The following HPS5 variants were observed in gnomAD, a reference collection of about 807,000 sequenced individuals.
The protein encoded by HPS5 is BLOC-2 complex member HPS5.
In HPS5, 83 loss-of-function variants were observed where a neutral mutation model predicts 128.0. That is an observed-to-expected ratio of 0.65 (90% CI 0.54 to 0.78). The LOEUF is 0.78. Among genes scored for constraint, HPS5 ranks in the 30% least tolerant of loss-of-function variants. HPS5 has a pLI of 0.00. For missense variants in HPS5, 1,281 were observed against 1,326.2 expected, an observed-to-expected ratio of 0.97 and a Z score of 0.53; for synonymous variants, 475 against 470.2, an observed-to-expected ratio of 1.01 and a Z score of -0.13.
At chr11:18,285,652 T>C (rs1859611829) in intron 19 of HPS5, among the ~76,000 whole-genome samples, 193 bp from the exon 20 acceptor site, 1 of 152,220 alleles carries the variant, frequency 6.6e-6, no homozygotes, top group Non-Finnish European at 1.5e-5. Context: ...GATTAGATAC[T>C]TTAGGTAATC....
rs1859329180 is a variant in HPS5 at position 18,283,721 on chromosome 11, A to G, written c.3058+74T>C. ...TATATGATCATTGAAAGGTTCACCAAATTTTTTTGTTGAGAGGTCTGGAGT... is the reference window on the plus strand; with the variant it reads ...TATATGATCATTGAAAGGTTCACCAGATTTTTTTGTTGAGAGGTCTGGAGT... On this transcript the variant is annotated intron_variant, in intron 21 of 22. Coordinates refer to ENST00000349215, the MANE Select transcript of HPS5 (RefSeq NM_181507.2). The G allele has an allele frequency of 5.1e-6, 5 of 989,260 alleles. No homozygotes were observed. The Admixed American group carries it at 5.1e-5, about 10-fold the overall frequency. 61.3% of individuals were successfully genotyped at this position (989,260 alleles called of 1,614,324 possible).
At chr11:18,304,216 C>CTT (rs778919142) in intron 8 of HPS5, among the ~76,000 whole-genome samples, 16 of 135,506 alleles carry the variant, frequency 1.2e-4, no homozygotes, top group Admixed American at 1.5e-4. Flanking sequence ...CTATAATTCA[C>CTT]TTTTTTTTTT....
chr11:18,316,764 G>A (rs1276276130), intron 2 of HPS5, among the ~76,000 whole-genome samples: 1 of 152,206 alleles, frequency 6.6e-6, no homozygotes, highest in East Asian at 1.9e-4. Flanking sequence ...GAGGCTGTTT[G>A]TCAGGAATTC....
At position 18,287,529 on chromosome 11, in the gene HPS5, T is replaced by C; in HGVS notation, c.2717+6A>G. ...GGAGAGTCTGCAAATATGCTCTCCT[T>C]CTCACCGCTGATCTTCAGGCCTTGA... On this transcript the variant is annotated splice_donor_region_variant and intron_variant, in intron 18 of 22. Transcript: ENST00000349215. The C allele has an allele frequency of 6.2e-7, 1 of 1,614,050 alleles. No homozygotes were observed. Among genetic ancestry groups the C allele is most frequent in the Non-Finnish European group, 8.5e-7 (1 of 1,179,948 alleles).
At chr11:18,292,059 G>A (rs1364945671) in intron 15 of HPS5, 40 bp from the exon 16 acceptor site, 4 of 1,505,920 alleles carry the variant, frequency 2.7e-6, no homozygotes, top group African/African-American at 1.4e-5. Flanking sequence ...TGTGTCATGT[G>A]TTTTTCTTAA....
intron 13 of HPS5, 87 bp downstream of exon 13, chr11:18,295,912 C>T (rs1180180744): frequency 7.2e-7 from 1 of 1,395,402 alleles, no homozygotes; most frequent in Admixed American, 1.7e-5. Context: ...TCCTTTTTCT[C>T]ATTTTCCATT....
In HPS5 at chr11:18,291,907, C is replaced by T; in HGVS notation, c.1975G>A (p.Val659Ile). Residue 659 changes from valine (V) to isoleucine (I), a missense_variant, in exon 16 of 23, where the codon GTT becomes ATT. Physicochemically the swap from Val to Ile is conservative, Grantham distance 29. Transcript: ENST00000349215. The stretch of plus-strand genomic sequence containing the variant: ...ATGGATGAGTTGTCAGTATCTGAAA[C>T]ACCTGAAAAGTCCTTCATGGCAAAT... Reference protein sequence around the residue: ...KTFAMKDFSGVSDTDNSSMKL... With the variant: ...KTFAMKDFSGISDTDNSSMKL... 1 of 1,607,946 alleles carries T rather than the reference C, an allele frequency of 6.2e-7. No individual in the cohort carries two copies. The highest frequency in any genetic ancestry group is 8.5e-7 in the Non-Finnish European group (1 of 1,177,572).
intron 3 of HPS5, 177 bp from the exon 4 acceptor site, chr11:18,311,628 C>T (rs1419709860): frequency 2.9e-5 from 16 of 545,778 alleles, no homozygotes; most frequent in South Asian, 1.2e-4. Flanking sequence ...CTCCTGCCTC[C>T]GCCTCCCAAG....
intron 14 of HPS5, among the ~76,000 whole-genome samples, chr11:18,294,316 A>G (rs1292306475): frequency 6.6e-6 from 1 of 152,166 alleles, no homozygotes; most frequent in Non-Finnish European, 1.5e-5. Context: ...CTCATGTTAC[A>G]TGAGACAATT....
intron 2 of HPS5, 125 bp from the exon 3 acceptor site, chr11:18,312,149 T>TTGTGTCCATATG: frequency 1.3e-6 from 1 of 741,898 alleles, no homozygotes; most frequent in Non-Finnish European, 2.4e-6. Flanking sequence ...TCTGCCCATA[T>TTGTGTCCATATG]GGACACAATA....
At chr11:18,311,871 A>G in intron 3 of HPS5, 43 bp downstream of exon 3, 1 of 1,251,274 alleles carries the variant, frequency 8.0e-7, no homozygotes, top group East Asian at 2.3e-5. Flanking sequence ...CATTTATGAA[A>G]GAGACTCCAA....
chr11:18,320,075 G>A (rs949399791), intron 1 of HPS5, among the ~76,000 whole-genome samples: 4 of 151,880 alleles, frequency 2.6e-5, no homozygotes, highest in African/African-American at 9.7e-5. Context: ...GGGTGTGCAG[G>A]GGGACACACC....
At chr11:18,306,788 C>A (rs1862421656) in intron 6 of HPS5, among the ~76,000 whole-genome samples, 2 of 152,196 alleles carry the variant, frequency 1.3e-5, no homozygotes, top group South Asian at 4.1e-4. Flanking sequence ...ACCACAAACA[C>A]CCAATAAACT....
In HPS5 at chr11:18,283,858, T is replaced by C; in HGVS notation, c.2995A>G (p.Arg999Gly). Reference sequence around the variant, plus strand: ...ACAATATTGGTGAAGGCCTCTCTTCTTCTCTCCAGCTCCAAACAGAGAATT... The same window carrying C: ...ACAATATTGGTGAAGGCCTCTCTTCCTCTCTCCAGCTCCAAACAGAGAATT... ...YLILCLELER[R>G]REAFTNIVYL... The change falls in exon 21 of 23, where the codon AGA (arginine) becomes GGA (glycine). Residue 999 changes from arginine to glycine, a missense_variant. Arg to Gly is a moderately radical substitution (Grantham distance 125, BLOSUM62 -2). Coordinates refer to ENST00000349215, the MANE Select transcript of HPS5 (RefSeq NM_181507.2). 1 of 1,613,492 alleles carries C rather than the reference T, an allele frequency of 6.2e-7. No homozygotes were observed.
intron 1 of HPS5, among the ~76,000 whole-genome samples, chr11:18,321,556 T>C (rs1054885879): frequency 6.6e-6 from 1 of 152,242 alleles, no homozygotes; most frequent in South Asian, 2.1e-4. Flanking sequence ...AATACGCGTC[T>C]CCTGAATCCA....
At chr11:18,280,278 C>G (rs1340740005) in intron 22 of HPS5, among the ~76,000 whole-genome samples, 1 of 152,100 alleles carries the variant, frequency 6.6e-6, no homozygotes, top group Non-Finnish European at 1.5e-5. Context: ...AAAAAATGCT[C>G]AACATCTCTA....
At chr11:18,299,184 A>T (rs1435925591) in intron 9 of HPS5, among the ~76,000 whole-genome samples, 3 of 152,222 alleles carry the variant, frequency 2.0e-5, no homozygotes, top group Non-Finnish European at 2.9e-5. Context: ...AGAAAGAACT[A>T]TATCTCTCTG....
intron 2 of HPS5, among the ~76,000 whole-genome samples, chr11:18,316,943 C>T (rs1019812175): frequency 2.0e-5 from 3 of 152,190 alleles, no homozygotes; most frequent in Admixed American, 6.5e-5. Context: ...ACCTGTAATC[C>T]CAGCACTTTG....
At chr11:18,280,134 G>A (rs552404534) in intron 22 of HPS5, among the ~76,000 whole-genome samples, 192 bp from the exon 23 acceptor site, 22 of 152,316 alleles carry the variant, frequency 1.4e-4, no homozygotes, top group African/African-American at 5.1e-4. Context: ...TATCTGATAA[G>A]AGGTTAATAT....
Sources: gnomAD v4.1 joint callset for allele counts (sites outside exome capture counted in the v4.1 genomes callset) on GRCh38, gnomAD v4.1.1 for gene constraint, MANE v1.5 for transcripts, NCBI Gene and HGNC (gene_info 2026-07-23, HGNC 2026-07-21) for gene names.